Variants in OOSP4A observed in about 807,000 individuals in gnomAD.
OOSP4A encodes the protein oocyte-secreted protein 4A.
exon 5 of OOSP4A, chr11:59,970,133 C>T: frequency 2.5e-6 from 1 of 398,060 alleles, no homozygotes; most frequent in Admixed American, 4.4e-5. Flanking sequence ...GATGAGGCTA[C>T]CCTACTTCAC....
At chr11:59,966,545 G>A (rs184709388) in intron 2 of OOSP4A, among the ~76,000 whole-genome samples, 3 of 151,150 alleles carry the variant, frequency 2.0e-5, no homozygotes, top group East Asian at 3.9e-4. Flanking sequence ...GCACAATCTC[G>A]GCTCACTGCA....
Position 59,966,079 on chromosome 11 carries a change from C to T in OOSP4A, c.246+366C>T, listed in dbSNP as rs76586487. 6.6e-3 allele frequency among the ~76,000 whole-genome samples: 1,008 copies of T among 151,808 alleles called. 10 individuals are homozygous for T. The highest frequency in any genetic ancestry group is 0.023 in the African/African-American group (942 of 41,388). ...ACAAATACCCAACTCTTGTTGTTGACCTAAAATTTTGATGAAAATGGGGTA... is the reference window on the plus strand; with the variant it reads ...ACAAATACCCAACTCTTGTTGTTGATCTAAAATTTTGATGAAAATGGGGTA... On this transcript the variant is annotated intron_variant, in intron 2 of 4. Coordinates refer to ENST00000645590, the Ensembl canonical transcript of OOSP4A.
intron 3 of OOSP4A, among the ~76,000 whole-genome samples, 185 bp downstream of exon 3, chr11:59,967,349 T>C (rs931315265): frequency 2.0e-5 from 3 of 152,240 alleles, no homozygotes; most frequent in Non-Finnish European, 2.9e-5. Context: ...AGTTTCCGCA[T>C]GAGTAGATGA....
At chr11:59,965,450 C>T (rs1854089357) in intron 1 of OOSP4A, 85 bp from the exon 2 acceptor site, 1 of 397,298 alleles carries the variant, frequency 2.5e-6, no homozygotes, top group South Asian at 1.4e-4. Context: ...GGATTCAGCT[C>T]AAGAGGTTGA....
chr11:59,969,346 G>A (rs1022494688), intron 4 of OOSP4A, 62 bp downstream of exon 4: 2 of 397,122 alleles, frequency 5.0e-6, no homozygotes, highest in African/African-American at 4.1e-5. Flanking sequence ...AAAAGGCCAG[G>A]GTTTAGTAAG....
chr11:59,968,194 G>A (rs1310352414), intron 3 of OOSP4A, among the ~76,000 whole-genome samples: 1 of 152,202 alleles, frequency 6.6e-6, no homozygotes, highest in African/African-American at 2.4e-5. Flanking sequence ...GGATGAAAGA[G>A]GTTGGGTCAC....
intron 1 of OOSP4A, 68 bp from the exon 2 acceptor site, chr11:59,965,467 C>T (rs1854089533): frequency 2.5e-6 from 1 of 397,772 alleles, no homozygotes; most frequent in Non-Finnish European, 4.4e-6. Context: ...TTGAAAGTTT[C>T]CTGAGTTCTT....
At chr11:59,964,694 C>A (rs1854079662) in intron 1 of OOSP4A, among the ~76,000 whole-genome samples, 1 of 152,022 alleles carries the variant, frequency 6.6e-6, no homozygotes, top group South Asian at 2.1e-4. Flanking sequence ...AGACCTCAAA[C>A]CAAAATTTAA....
At chr11:59,965,850 C>A in intron 2 of OOSP4A, 137 bp downstream of exon 2, 1 of 395,320 alleles carries the variant, frequency 2.5e-6, no homozygotes. Context: ...TTATTCTCTT[C>A]AACATTTTTG....
chr11:59,968,857 C>T (rs1854129192), intron 3 of OOSP4A, among the ~76,000 whole-genome samples: 2 of 152,210 alleles, frequency 1.3e-5, no homozygotes, highest in Admixed American at 1.3e-4. Context: ...GAGATAAGAG[C>T]TGCTTCAGCC....
chr11:59,967,380 A>C (rs927297296), intron 3 of OOSP4A, among the ~76,000 whole-genome samples: 1 of 152,180 alleles, frequency 6.6e-6, no homozygotes, highest in Non-Finnish European at 1.5e-5. Context: ...TTATATGAGA[A>C]TTGAATTCTA....
chr11:59,969,107 A>G lies in OOSP4A; in HGVS notation c.345-43A>G, dbSNP rs1590565301. On this transcript the variant is annotated intron_variant, in intron 3 of 4. Coordinates refer to ENST00000645590, the Ensembl canonical transcript of OOSP4A. The stretch of plus-strand genomic sequence containing the variant: ...CAACTTTTTCTCCACCTCCAAAAGC[A>G]TAATATATACAAAGCTTAAATATAT... 6 of 398,062 alleles carry G rather than the reference A, an allele frequency of 1.5e-5. No individual in the cohort carries two copies. The East Asian group carries it at 2.1e-4, about 14-fold the overall frequency. The allele number at this position is 398,062 out of a possible 1,614,324, so 24.7% of individuals were successfully genotyped here.
At chr11:59,966,811 T>C (rs1427135931) in intron 2 of OOSP4A, among the ~76,000 whole-genome samples, 1 of 152,100 alleles carries the variant, frequency 6.6e-6, no homozygotes, top group Non-Finnish European at 1.5e-5. Flanking sequence ...TGATCAAAAG[T>C]TGTCTATGCA....
At chr11:59,967,438 C>CT (rs1416151004) in intron 3 of OOSP4A, among the ~76,000 whole-genome samples, 5 of 152,014 alleles carry the variant, frequency 3.3e-5, no homozygotes, top group East Asian at 1.9e-4. Context: ...GTAATCTTTC[C>CT]TTTTTTGCAG....
intron 2 of OOSP4A, 29 bp downstream of exon 2, chr11:59,965,742 A>G (rs1399757520): frequency 5.0e-6 from 2 of 398,158 alleles, no homozygotes; most frequent in Non-Finnish European, 8.9e-6. Context: ...TCAACCAATA[A>G]TATATCTTTT....
At chr11:59,969,427 A>AT (rs1396288250) in intron 4 of OOSP4A, 143 bp downstream of exon 4, 1 of 395,540 alleles carries the variant, frequency 2.5e-6, no homozygotes, top group Non-Finnish European at 4.5e-6. Flanking sequence ...GGAATACTGC[A>AT]TTTTTTATGT....
chr11:59,969,242 A>G (rs1213671934), exon 4 of OOSP4A: 5 of 398,698 alleles, frequency 1.3e-5, no homozygotes, highest in African/African-American at 4.1e-5. Flanking sequence ...TCACTATCAC[A>G]TGAACTTGAA....
intron 1 of OOSP4A, among the ~76,000 whole-genome samples, chr11:59,964,655 G>A (rs75911727): frequency 0.01 from 1,590 of 152,132 alleles, 29 homozygotes; most frequent in African/African-American, 0.035. Context: ...TAATAAAATT[G>A]ACCATAGAAA....
Position 59,967,181 on chromosome 11 carries a change from A to G in OOSP4A, c.344+17A>G. 1 of 397,988 alleles carries G rather than the reference A, an allele frequency of 2.5e-6. No homozygotes were observed. The allele number at this position is 397,988 out of a possible 1,614,324, so 24.7% of individuals were successfully genotyped here. ...TGTGCAAAGGTAAGTGCAGTGCACT[A>G]CTGAGATTAAGGCTATCTAATATTA... On this transcript the variant is annotated intron_variant, in intron 3 of 4. Transcript: ENST00000645590.
Sources: gnomAD v4.1 joint callset for allele counts (sites outside exome capture counted in the v4.1 genomes callset) on GRCh38, gnomAD v4.1.1 for gene constraint, MANE v1.5 for transcripts, NCBI Gene and HGNC (gene_info 2026-07-23, HGNC 2026-07-21) for gene names.